Variants in NUBPL observed in about 807,000 individuals in gnomAD.
NUBPL encodes the protein NUBP iron-sulfur cluster assembly factor, mitochondrial, also known as iron-sulfur cluster transfer protein NUBPL.
NUBPL carries 31 observed loss-of-function variants against 45.7 expected under a neutral mutation model. That is an observed-to-expected ratio of 0.68 (90% CI 0.51 to 0.92). NUBPL has a LOEUF of 0.92. Among genes scored for constraint, NUBPL ranks in the 40% least tolerant of loss-of-function variants. The pLI is 0.00. For missense variants in NUBPL, 401 were observed against 398.7 expected (o/e 1.01, Z -0.05); for synonymous variants, 144 against 140.9 (o/e 1.02, Z -0.15).
intron 10 of NUBPL, among the ~76,000 whole-genome samples, chr14:31,856,372 T>C (rs1161870236): frequency 2.6e-5 from 4 of 152,058 alleles, no homozygotes; most frequent in African/African-American, 2.4e-5. Context: ...GGAGTTACAA[T>C]TGAAGATGAG....
chr14:31,578,607 T>C (rs1048761158), intron 3 of NUBPL, among the ~76,000 whole-genome samples: 3 of 152,216 alleles, frequency 2.0e-5, no homozygotes, highest in Admixed American at 1.3e-4. Context: ...AGCTTGAAAC[T>C]CTCACCATGT....
At chr14:31,628,873 A>G (rs1402588918) in intron 4 of NUBPL, among the ~76,000 whole-genome samples, 2 of 152,218 alleles carry the variant, frequency 1.3e-5, no homozygotes, top group African/African-American at 4.8e-5. Flanking sequence ...GACATTCTTC[A>G]GTGAAACTGA....
At chr14:31,711,927 C>T (rs762934855) in intron 6 of NUBPL, among the ~76,000 whole-genome samples, 15 of 152,132 alleles carry the variant, frequency 9.9e-5, no homozygotes, top group Non-Finnish European at 1.5e-4. Context: ...CCAGTGGGTT[C>T]GTGGTCTCGC....
intron 6 of NUBPL, among the ~76,000 whole-genome samples, chr14:31,693,119 T>C (rs1288371193): frequency 6.6e-6 from 1 of 152,220 alleles, no homozygotes; most frequent in Non-Finnish European, 1.5e-5. Flanking sequence ...CAGTATTCTG[T>C]ATTAGAAATT....
intron 4 of NUBPL, among the ~76,000 whole-genome samples, chr14:31,643,739 T>G (rs2035770057): frequency 6.6e-6 from 1 of 152,080 alleles, no homozygotes; most frequent in Admixed American, 6.5e-5. Context: ...CTTCTTTAAA[T>G]TTTTGGTAGA....
intron 6 of NUBPL, among the ~76,000 whole-genome samples, chr14:31,762,596 A>G (rs1002539931): frequency 6.6e-6 from 1 of 152,210 alleles, no homozygotes; most frequent in African/African-American, 2.4e-5. Flanking sequence ...TGTTACAAAA[A>G]TACAAATTTA....
intron 7 of NUBPL, among the ~76,000 whole-genome samples, chr14:31,813,065 T>G (rs1484836622): frequency 6.6e-6 from 1 of 150,388 alleles, no homozygotes; most frequent in Non-Finnish European, 1.5e-5. Flanking sequence ...CTCGGCTCAC[T>G]GCAAGCCCTG....
chr14:31,733,429 A>G (rs2038097401), intron 6 of NUBPL, among the ~76,000 whole-genome samples: 1 of 152,164 alleles, frequency 6.6e-6, no homozygotes, highest in Non-Finnish European at 1.5e-5. Flanking sequence ...CAATTTTGAG[A>G]GAATTGCCAT....
chr14:31,561,933 T>G (rs1595276834), intron 1 of NUBPL, 135 bp from the exon 2 acceptor site: 1 of 826,590 alleles, frequency 1.2e-6, no homozygotes, highest in East Asian at 2.7e-5. Context: ...TAGGTAAATG[T>G]CTCCATAGTG....
intron 4 of NUBPL, among the ~76,000 whole-genome samples, chr14:31,626,151 C>CTTATT (rs139169614): frequency 4.6e-5 from 7 of 151,666 alleles, no homozygotes; most frequent in South Asian, 4.2e-4. Flanking sequence ...TTACCTTTAT[C>CTTATT]TTATTTTATT....
chr14:31,724,191 A>G lies in NUBPL; in HGVS notation c.513+50617A>G, dbSNP rs140036164. Among the ~76,000 whole-genome samples the G allele has an allele frequency of 2.3e-3, 353 of 152,272 alleles. 1 individual carries two copies. The highest frequency in any genetic ancestry group is 8.1e-3 in the African/African-American group (337 of 41,556). ...TTCTTCAATTGTTCATGGCTAGTGTATGTCTTGGCTTTTGGATTTAAGAGA... is the reference window on the plus strand; with the variant it reads ...TTCTTCAATTGTTCATGGCTAGTGTGTGTCTTGGCTTTTGGATTTAAGAGA... On this transcript the variant is annotated intron_variant, in intron 6 of 10. Coordinates refer to ENST00000281081, the MANE Select transcript of NUBPL (RefSeq NM_025152.3).
chr14:31,832,322 T>C (rs2040205659), intron 8 of NUBPL, among the ~76,000 whole-genome samples: 2 of 152,124 alleles, frequency 1.3e-5, no homozygotes, highest in Non-Finnish European at 2.9e-5. Flanking sequence ...TAATTGACAT[T>C]TTGAAGGAAG....
At chr14:31,690,448 G>A (rs1015447504) in intron 6 of NUBPL, among the ~76,000 whole-genome samples, 2 of 152,080 alleles carry the variant, frequency 1.3e-5, no homozygotes, top group Non-Finnish European at 1.5e-5. Context: ...ATATGAGTTC[G>A]ACATGAAAGG....
intron 4 of NUBPL, among the ~76,000 whole-genome samples, chr14:31,608,819 T>C (rs1411112496): frequency 6.6e-6 from 1 of 152,156 alleles, no homozygotes; most frequent in Non-Finnish European, 1.5e-5. Context: ...TGGCCCAGTT[T>C]CTAACAGGCC....
intron 6 of NUBPL, among the ~76,000 whole-genome samples, chr14:31,741,161 C>T (rs2038275249): frequency 6.6e-6 from 1 of 152,172 alleles, no homozygotes; most frequent in Admixed American, 6.5e-5. Flanking sequence ...TTAGGATTCC[C>T]TGTACTTTTT....
At chr14:31,783,189 A>G (rs569015201) in intron 6 of NUBPL, among the ~76,000 whole-genome samples, 1 of 152,274 alleles carries the variant, frequency 6.6e-6, no homozygotes, top group African/African-American at 2.4e-5. Flanking sequence ...GTGTGATCTT[A>G]TTATATCTTG....
At chr14:31,751,762 G>A (rs920838423) in intron 6 of NUBPL, among the ~76,000 whole-genome samples, 1 of 152,212 alleles carries the variant, frequency 6.6e-6, no homozygotes, top group Non-Finnish European at 1.5e-5. Flanking sequence ...CTCTGTGTGG[G>A]GGTTTCAAAC....
intron 4 of NUBPL, among the ~76,000 whole-genome samples, chr14:31,615,754 C>T (rs2034882537): frequency 6.6e-6 from 1 of 152,196 alleles, no homozygotes; most frequent in Non-Finnish European, 1.5e-5. Context: ...CTGCAATAAA[C>T]ATACGTGTGC....
At chr14:31,746,061 C>G (rs1453864033) in intron 6 of NUBPL, among the ~76,000 whole-genome samples, 6 of 152,026 alleles carry the variant, frequency 3.9e-5, no homozygotes, top group Non-Finnish European at 7.3e-5. Flanking sequence ...AACTTCTTGG[C>G]ATTCACTGCA....
Sources: gnomAD v4.1 joint callset for allele counts (sites outside exome capture counted in the v4.1 genomes callset) on GRCh38, gnomAD v4.1.1 for gene constraint, MANE v1.5 for transcripts, NCBI Gene and HGNC (gene_info 2026-07-23, HGNC 2026-07-21) for gene names.